Variants in CRPPA observed in about 807,000 individuals in gnomAD.
CRPPA encodes the protein CDP-L-ribitol pyrophosphorylase A.
CRPPA carries 43 observed loss-of-function variants against 52.0 expected under a neutral mutation model. The observed-to-expected ratio is 0.83, with a 90% CI of 0.65 to 1.07. CRPPA has a LOEUF of 1.07. CRPPA is among the 50% of genes least tolerant of loss of function. The pLI is 0.00. For synonymous variants in CRPPA, 250 were observed against 203.5 expected, an observed-to-expected ratio of 1.23 and a Z score of -1.94; for missense variants, 629 against 551.7, an observed-to-expected ratio of 1.14 and a Z score of -1.40.
chr7:16,160,663 A>G (rs2128381813), intron 9 of CRPPA, among the ~76,000 whole-genome samples: 1 of 152,300 alleles, frequency 6.6e-6, no homozygotes, highest in South Asian at 2.1e-4. Flanking sequence ...TTTTGGTTCA[A>G]TATGAAATTT....
chr7:16,338,289 A>G (rs1240085989), intron 3 of CRPPA, among the ~76,000 whole-genome samples: 1 of 152,272 alleles, frequency 6.6e-6, no homozygotes, highest in African/African-American at 2.4e-5. Flanking sequence ...GAAGGATAAA[A>G]GTCATATGAT....
At chr7:16,310,976 G>A (rs1235420758) in intron 3 of CRPPA, among the ~76,000 whole-genome samples, 1 of 152,048 alleles carries the variant, frequency 6.6e-6, no homozygotes, top group African/African-American at 2.4e-5. Context: ...CACATTCAAA[G>A]TATCAAAAGA....
At chr7:16,158,784 C>G (rs1456582645) in intron 9 of CRPPA, among the ~76,000 whole-genome samples, 1 of 152,118 alleles carries the variant, frequency 6.6e-6, no homozygotes, top group African/African-American at 2.4e-5. Context: ...TTTTCTTCAC[C>G]CTTCTCCATA....
At position 16,391,824 on chromosome 7, in the gene CRPPA, G is replaced by GA. The variant is rs759742177; in HGVS notation, c.534+14236dup. Among the ~76,000 whole-genome samples, 8 of 152,160 alleles carry GA rather than the reference G, an allele frequency of 5.3e-5. No individual in the cohort carries two copies. The East Asian group carries it at 9.6e-4, about 18-fold the overall frequency. On this transcript the variant is annotated intron_variant, in intron 2 of 9. Transcript: ENST00000407010. The stretch of plus-strand genomic sequence containing the variant: ...CTCAGTAAATAAGGGTTACATTAGT[G>GA]AATCAGTGTTGTAGGTCTTAGAGAT...
At chr7:16,113,433 C>T (rs1031227265) in intron 9 of CRPPA, among the ~76,000 whole-genome samples, 4 of 151,834 alleles carry the variant, frequency 2.6e-5, no homozygotes, top group Non-Finnish European at 2.9e-5. Flanking sequence ...AAATTTTCCA[C>T]CAACTACAGA....
At chr7:16,399,566 G>T (rs114482670) in intron 2 of CRPPA, among the ~76,000 whole-genome samples, 1 of 151,824 alleles carries the variant, frequency 6.6e-6, no homozygotes, top group East Asian at 1.9e-4. Context: ...GACATGACAC[G>T]TTTGTGACAT....
At chr7:16,170,521 A>AC (rs1781158292) in intron 9 of CRPPA, among the ~76,000 whole-genome samples, 2 of 152,222 alleles carry the variant, frequency 1.3e-5, no homozygotes, top group Admixed American at 1.3e-4. Flanking sequence ...CGCAGTGCTG[A>AC]CCCAAAGAGT....
rs1202579530 is a variant in CRPPA, at chr7:16,389,928, AAT to A, written c.535-13689_535-13688del. On this transcript the variant is annotated intron_variant, in intron 2 of 9. Transcript: ENST00000407010. ...GCCTAGTATACAAAAAAAAAAAAAAAATATATATATATATATATATATATATA... is the reference window on the plus strand; with the variant it reads ...GCCTAGTATACAAAAAAAAAAAAAAAATATATATATATATATATATATATA... Among the ~76,000 whole-genome samples the A allele has an allele frequency of 1.5e-3, 46 of 29,744 alleles. 1 individual carries two copies. The highest frequency in any genetic ancestry group is 4.2e-3 in the East Asian group (3 of 722). The allele number at this position is 29,744 out of a possible 152,430, so 19.5% of individuals were successfully genotyped here.
intron 5 of CRPPA, among the ~76,000 whole-genome samples, chr7:16,282,686 G>T (rs1784343202): frequency 6.6e-6 from 1 of 151,982 alleles, no homozygotes; most frequent in African/African-American, 2.4e-5. Context: ...ATATTAATAG[G>T]AGACTTTAAA....
intron 1 of CRPPA, 109 bp from the exon 2 acceptor site, chr7:16,406,446 A>G: frequency 1.1e-6 from 1 of 937,808 alleles, no homozygotes; most frequent in Non-Finnish European, 1.6e-6. Flanking sequence ...GAGATTAAAA[A>G]CTGCAAGTTA....
chr7:16,398,565 T>A (rs1482189915), intron 2 of CRPPA, among the ~76,000 whole-genome samples: 37 of 152,118 alleles, frequency 2.4e-4, no homozygotes, highest in Non-Finnish European at 1.5e-5. Flanking sequence ...GATCGTCAAG[T>A]GATCGACACG....
chr7:16,154,042 T>C (rs1783126795), intron 9 of CRPPA, among the ~76,000 whole-genome samples: 1 of 150,314 alleles, frequency 6.7e-6, no homozygotes, highest in Non-Finnish European at 1.5e-5. Flanking sequence ...CTTGTGGCTC[T>C]CAGGTCATCT....
At chr7:16,249,785 G>T (rs747209874) in intron 8 of CRPPA, among the ~76,000 whole-genome samples, 1 of 152,210 alleles carries the variant, frequency 6.6e-6, no homozygotes, top group African/African-American at 2.4e-5. Context: ...AACCAGTGCA[G>T]AAAGGCTGAA....
At position 16,408,527 on chromosome 7, in the gene CRPPA, T is replaced by C. The variant is rs116557309; in HGVS notation, c.258-2190A>G. On this transcript the variant is annotated intron_variant, in intron 1 of 9. Transcript: ENST00000407010. ...GGGCAGTATCCTAGGGGTTTTAAAC[T>C]TTAATCCTAAAAAGAGGATAGGCAG... 5.5e-3 allele frequency among the ~76,000 whole-genome samples: 831 copies of C among 152,324 alleles called. 10 individuals carry two copies. The highest frequency in any genetic ancestry group is 0.018 in the African/African-American group (767 of 41,566).
At chr7:16,128,655 G>A (rs575278417) in intron 9 of CRPPA, among the ~76,000 whole-genome samples, 2 of 152,258 alleles carry the variant, frequency 1.3e-5, no homozygotes. Context: ...GGCAGTGGGT[G>A]ACAGTAAAAG....
In CRPPA at chr7:16,200,879, T is replaced by C. The variant is rs184909996; in HGVS notation, c.1251+15187A>G. ...TATCTAATACATAGATATCAAAAAC[T>C]GTTCTTGCTTAACAGTCTACCACAT... On this transcript the variant is annotated intron_variant, in intron 9 of 9. Coordinates refer to ENST00000407010, the MANE Select transcript of CRPPA (RefSeq NM_001101426.4). Among the ~76,000 whole-genome samples, 9 of 152,296 alleles carry C rather than the reference T, an allele frequency of 5.9e-5. No homozygotes were observed. The East Asian group carries it at 1.7e-3, about 29-fold the overall frequency.
intron 9 of CRPPA, among the ~76,000 whole-genome samples, chr7:16,128,559 A>G (rs1238459906): frequency 6.6e-6 from 1 of 152,192 alleles, no homozygotes; most frequent in Non-Finnish European, 1.5e-5. Flanking sequence ...AAGATAGGTA[A>G]CAAAGCCAAA....
chr7:16,329,728 G>C (rs537302628), intron 3 of CRPPA, among the ~76,000 whole-genome samples: 1 of 152,116 alleles, frequency 6.6e-6, no homozygotes, highest in Non-Finnish European at 1.5e-5. Flanking sequence ...AGGATTCATG[G>C]TCAGAGTAGG....
Position 16,196,664 on chromosome 7 carries a change from T to C in CRPPA, c.1251+19402A>G, listed in dbSNP as rs533375884. On this transcript the variant is annotated intron_variant, in intron 9 of 9. Transcript: ENST00000407010. ...CATTATAGTATCTAGAGAAAGACAC[T>C]CAGGTTTGAAACTTCAGAATTACAG... Among the ~76,000 whole-genome samples the C allele has an allele frequency of 4.6e-5, 7 of 152,232 alleles. No homozygotes were observed. The East Asian group carries it at 1.4e-3, about 29-fold the overall frequency.
Sources: allele counts gnomAD v4.1 joint callset (sites outside exome capture counted in the v4.1 genomes callset), GRCh38; gene constraint gnomAD v4.1.1; transcripts MANE v1.5; gene names NCBI Gene and HGNC (gene_info 2026-07-23, HGNC 2026-07-21).